DNAH9: variants seen among roughly 807,000 people sequenced by gnomAD.
DNAH9 encodes the protein dynein axonemal heavy chain 9.
A neutral mutation model predicts 471.6 loss-of-function variants in DNAH9; 345 were observed. The ratio of observed to expected loss-of-function variants is 0.73; its 90% CI spans 0.67 to 0.80. The LOEUF is 0.80. Among genes scored for constraint, DNAH9 ranks in the 30% least tolerant of loss-of-function variants. The probability of loss-of-function intolerance (pLI) is 0.00; values close to 1 mark genes in which losing one functional copy is unlikely to be tolerated. For missense variants in DNAH9, 5,407 were observed against 5,609.2 expected, an observed-to-expected ratio of 0.96 and a Z score of 1.15; for synonymous variants, 2,093 against 2,123.6, an observed-to-expected ratio of 0.99 and a Z score of 0.40.
In DNAH9 at chr17:11,679,773, G is replaced by A. The variant is rs777317191; in HGVS notation, c.3370G>A (p.Ala1124Thr). ...HVTHSLANLD[A>T]FIKKSESGLL... is the part of the protein sequence containing the mutation. Reference sequence around the variant, plus strand: ...GTTGATTAGCTTGGCCAACCTGGATGCGTTTATAAAGAAGAGTGAGAGCGG... The same window carrying A: ...GTTGATTAGCTTGGCCAACCTGGATACGTTTATAAAGAAGAGTGAGAGCGG... The change falls in exon 18 of 69, where the codon GCG (alanine) becomes ACG (threonine). Residue 1124 changes from alanine to threonine, a missense_variant. Transcript: ENST00000262442. The A allele has an allele frequency of 2.5e-5, 40 of 1,613,790 alleles. No individual in the cohort carries two copies. Among genetic ancestry groups the A allele is most frequent in the Middle Eastern group, 3.3e-4 (2 of 6,060 alleles).
intron 14 of DNAH9, among the ~76,000 whole-genome samples, chr17:11,661,826 G>GT (rs2073769961): frequency 2.0e-5 from 3 of 152,000 alleles, no homozygotes; most frequent in Admixed American, 2.0e-4. Flanking sequence ...CCACAATGCA[G>GT]TGTTATAGTT....
intron 22 of DNAH9, among the ~76,000 whole-genome samples, chr17:11,699,141 C>G (rs1487404664): frequency 6.6e-6 from 1 of 151,902 alleles, no homozygotes; most frequent in South Asian, 2.1e-4. Context: ...CTCAGCTACT[C>G]AGGAGGCTGA....
intron 28 of DNAH9, among the ~76,000 whole-genome samples, chr17:11,735,457 A>T (rs2075330687): frequency 1.3e-5 from 2 of 151,930 alleles, no homozygotes; most frequent in South Asian, 4.2e-4. Context: ...CCTTTTTCAG[A>T]TGGAGTCTCA....
chr17:11,783,819 A>G, intron 40 of DNAH9, 71 bp downstream of exon 40: 3 of 1,308,546 alleles, frequency 2.3e-6, no homozygotes, highest in East Asian at 2.3e-5. Context: ...GATTATAAGT[A>G]TAATAATTGG....
intron 14 of DNAH9, among the ~76,000 whole-genome samples, chr17:11,662,308 T>C (rs2073782021): frequency 6.6e-6 from 1 of 152,206 alleles, no homozygotes; most frequent in Admixed American, 6.5e-5. Flanking sequence ...TCTTCATGCT[T>C]GGAGTTTGTA....
At chr17:11,604,109 G>A (rs112728415) in intron 1 of DNAH9, among the ~76,000 whole-genome samples, 15 of 151,142 alleles carry the variant, frequency 9.9e-5, no homozygotes, top group African/African-American at 2.9e-4. Flanking sequence ...TGCAACCTCC[G>A]CCTCCTGGGT....
chr17:11,894,439 G>A lies in DNAH9; in HGVS notation c.11349G>A (p.Gln3783=). ...ATTTCCTGCTTCGATCTCCAGTGCA[G>A]ACGGGCACCGCCAGCCCCGTGGAGT... The part of the protein sequence containing the change: ...ELDFLLRSPV[Q]TGTASPVEFL... Residue 3783 remains glutamine, a synonymous_variant, in exon 59 of 69, where the codon CAG becomes CAA. Transcript: ENST00000262442. 2 of 1,614,164 alleles carry A rather than the reference G, an allele frequency of 1.2e-6. No individual in the cohort carries two copies. The highest frequency in any genetic ancestry group is 2.2e-5 in the South Asian group (2 of 91,072).
chr17:11,906,815 A>G (rs1973618474), intron 61 of DNAH9, among the ~76,000 whole-genome samples: 1 of 152,084 alleles, frequency 6.6e-6, no homozygotes. Flanking sequence ...GAGCTGAGTG[A>G]TGAAAACACA....
intron 44 of DNAH9, among the ~76,000 whole-genome samples, chr17:11,809,848 A>G (rs1436718274): frequency 1.3e-5 from 2 of 152,158 alleles, no homozygotes; most frequent in Non-Finnish European, 2.9e-5. Context: ...CACTTGTATG[A>G]GTCTTATATA....
chr17:11,810,496 C>G lies in DNAH9; in HGVS notation c.8707+127C>G, dbSNP rs765379078. 1.8e-4 allele frequency: 224 copies of G among 1,222,828 alleles called. 1 individual carries two copies. The highest frequency in any genetic ancestry group is 2.4e-4 in the Non-Finnish European group (219 of 895,130). The allele number at this position is 1,222,828 out of a possible 1,614,324, so 75.7% of individuals were successfully genotyped here. A position where few individuals can be genotyped will look rare whatever the true frequency, so the allele number is the denominator to read the frequency against. On this transcript the variant is annotated intron_variant, in intron 45 of 68. Transcript: ENST00000262442. Reference sequence around the variant, plus strand: ...GTAATGAGGAAGAAAACTGACACAGCCAAGGACTGGTTCATTGAGGTCCTT... The same window carrying G: ...GTAATGAGGAAGAAAACTGACACAGGCAAGGACTGGTTCATTGAGGTCCTT...
rs762616313 is a variant in DNAH9 at position 11,699,714 on chromosome 17, C to T, written c.4873-17C>T. ...CGAACATGTTTTATGATCCATTGGC[C>T]TGGTTTCCCTTCATAGGTTCAACGT... On this transcript the variant is annotated splice_polypyrimidine_tract_variant and intron_variant, in intron 22 of 68. Coordinates refer to ENST00000262442, the MANE Select transcript of DNAH9 (RefSeq NM_001372.4). 1 of 1,613,310 alleles carries T rather than the reference C, an allele frequency of 6.2e-7. No homozygotes were observed. Among genetic ancestry groups the T allele is most frequent in the South Asian group, 1.1e-5 (1 of 91,044 alleles).
At chr17:11,696,389 T>C (rs1203631026) in intron 22 of DNAH9, among the ~76,000 whole-genome samples, 2 of 152,218 alleles carry the variant, frequency 1.3e-5, no homozygotes, top group Non-Finnish European at 2.9e-5. Flanking sequence ...TTATTATATT[T>C]TGTAATTACA....
chr17:11,705,326 T>A, intron 26 of DNAH9, 141 bp downstream of exon 26: 1 of 683,916 alleles, frequency 1.5e-6, no homozygotes, highest in Non-Finnish European at 2.5e-6. Flanking sequence ...ACAGCCTGTT[T>A]AAAGTGAAAC....
intron 45 of DNAH9, among the ~76,000 whole-genome samples, chr17:11,810,904 C>T (rs1260977337): frequency 6.6e-6 from 1 of 152,184 alleles, no homozygotes; most frequent in Non-Finnish European, 1.5e-5. Context: ...AAAAACTTGA[C>T]AGAGAGTGTG....
intron 45 of DNAH9, among the ~76,000 whole-genome samples, chr17:11,811,844 G>A (rs1360781750): frequency 1.3e-5 from 2 of 150,522 alleles, no homozygotes; most frequent in South Asian, 2.1e-4. Context: ...ATGCAAGCGC[G>A]AGACTGAGAC....
rs376726686 is a variant in DNAH9, at chr17:11,690,066, A to G, written c.4244A>G (p.His1415Arg). ...LAHLLQLQLH[H>R]YEDEVRGIVD... Reference sequence around the variant, plus strand: ...CACCTGCTGCAGCTCCAGCTGCACCACTATGAGGATGAGGTCCGGGGCATT... The same window carrying G: ...CACCTGCTGCAGCTCCAGCTGCACCGCTATGAGGATGAGGTCCGGGGCATT... The change falls in exon 20 of 69, where the codon CAC becomes CGC. Residue 1415 changes from histidine (H) to arginine (R), a missense_variant. This residue lies in a region of DNAH9 where 4,636 missense variants were observed against 4,900.3 expected (regional missense o/e 0.95). Transcript: ENST00000262442. 33 of 1,614,126 alleles carry G rather than the reference A, an allele frequency of 2.0e-5. No individual in the cohort carries two copies. The highest frequency in any genetic ancestry group is 2.7e-5 in the Non-Finnish European group (32 of 1,180,048).
chr17:11,620,303 A>T (rs548461264), intron 6 of DNAH9, among the ~76,000 whole-genome samples: 2 of 152,012 alleles, frequency 1.3e-5, no homozygotes, highest in African/African-American at 4.8e-5. Flanking sequence ...TCATGAGGTC[A>T]GGAGTTCGAG....
chr17:11,851,889 C>T (rs762333183), intron 49 of DNAH9, among the ~76,000 whole-genome samples: 5 of 152,092 alleles, frequency 3.3e-5, no homozygotes, highest in African/African-American at 7.2e-5. Context: ...AAACATCGAC[C>T]GTGATATATC....
At chr17:11,893,763 C>T (rs1214378199) in intron 58 of DNAH9, among the ~76,000 whole-genome samples, 1 of 152,136 alleles carries the variant, frequency 6.6e-6, no homozygotes, top group Non-Finnish European at 1.5e-5. Context: ...CTAAGGCATG[C>T]AGGGCTTCAA....
Sources: allele counts gnomAD v4.1 joint callset (sites outside exome capture counted in the v4.1 genomes callset), GRCh38; gene constraint gnomAD v4.1.1; regional missense constraint gnomAD v4.1.1; transcripts MANE v1.5; gene names NCBI Gene and HGNC (gene_info 2026-07-23, HGNC 2026-07-21).